ARHGAP44: variants seen among roughly 807,000 people sequenced by gnomAD.
ARHGAP44 encodes rho GTPase-activating protein 44.
A neutral mutation model predicts 106.8 loss-of-function variants in ARHGAP44; 43 were observed. The ratio of observed to expected loss-of-function variants is 0.40; its 90% CI spans 0.32 to 0.52. The LOEUF (loss-of-function observed/expected upper bound fraction) is 0.52, where lower values mean the gene tolerates loss of function less well. Among genes scored for constraint, ARHGAP44 ranks in the 20% least tolerant of loss-of-function variants. The probability of loss-of-function intolerance (pLI) is 0.48; values close to 1 mark genes in which losing one functional copy is unlikely to be tolerated. For missense variants in ARHGAP44, 866 were observed against 1,050.5 expected, an observed-to-expected ratio of 0.82 and a Z score of 2.43; for synonymous variants, 439 against 410.3, an observed-to-expected ratio of 1.07 and a Z score of -0.85.
Position 12,943,478 on chromosome 17 carries a change from A to G in ARHGAP44, c.652-110A>G, listed in dbSNP as rs2038759172. 4.4e-6 allele frequency: 4 copies of G among 901,742 alleles called. No individual in the cohort carries two copies. In the Admixed American group the frequency reaches 7.4e-5, roughly 17 times the overall value. 55.9% of individuals were successfully genotyped at this position (901,742 alleles called of 1,614,324 possible). A position where few individuals can be genotyped will look rare whatever the true frequency, so the allele number is the denominator to read the frequency against. ...GGTAGATTGGAGGAGGGAATGGGTG[A>G]CTACCTCCTTCCGCATGTGGAAGCA... On this transcript the variant is annotated intron_variant, in intron 8 of 20. Transcript: ENST00000379672.
intron 1 of ARHGAP44, among the ~76,000 whole-genome samples, chr17:12,864,147 G>A (rs1330305188): frequency 1.3e-5 from 2 of 152,136 alleles, no homozygotes; most frequent in African/African-American, 2.4e-5. Flanking sequence ...TTCACCTCTC[G>A]GTGGAGTGGT....
intron 6 of ARHGAP44, among the ~76,000 whole-genome samples, chr17:12,927,745 C>T (rs747777986): frequency 6.6e-5 from 10 of 152,136 alleles, no homozygotes; most frequent in African/African-American, 1.4e-4. Flanking sequence ...ACCAAGTTCC[C>T]AGCTCCCCCT....
intron 1 of ARHGAP44, among the ~76,000 whole-genome samples, chr17:12,857,468 A>G (rs2035944607): frequency 6.6e-6 from 1 of 152,178 alleles, no homozygotes; most frequent in Non-Finnish European, 1.5e-5. Context: ...ACTCTTCCTC[A>G]TCTTATAAAG....
intron 1 of ARHGAP44, among the ~76,000 whole-genome samples, chr17:12,800,989 C>G (rs964834735): frequency 6.6e-6 from 1 of 152,194 alleles, no homozygotes; most frequent in Non-Finnish European, 1.5e-5. Context: ...TGTATGTACC[C>G]TTAACCACAA....
At chr17:12,790,059 T>G in intron 1 of ARHGAP44, 168 bp downstream of exon 1, 9 of 559,506 alleles carry the variant, frequency 1.6e-5, no homozygotes, top group Non-Finnish European at 2.1e-5. Context: ...CCTCCCTAAC[T>G]TCCCAGACCC....
At chr17:12,855,733 G>T (rs2035888537) in intron 1 of ARHGAP44, among the ~76,000 whole-genome samples, 1 of 152,138 alleles carries the variant, frequency 6.6e-6, no homozygotes, top group African/African-American at 2.4e-5. Context: ...GTCTACAGAA[G>T]TCCAATTAAG....
intron 6 of ARHGAP44, among the ~76,000 whole-genome samples, chr17:12,925,417 TGG>T (rs1567690378): frequency 2.2e-4 from 34 of 152,292 alleles, no homozygotes; most frequent in African/African-American, 8.2e-4. Context: ...GGGATGCCCA[TGG>T]CAGAGGAAGG....
intron 20 of ARHGAP44, chr17:12,987,236 C>A: frequency 7.9e-7 from 1 of 1,264,100 alleles, no homozygotes; most frequent in Non-Finnish European, 1.1e-6. Flanking sequence ...CTCGTCTCTG[C>A]ATGTGGCTCA....
chr17:12,860,442 C>T (rs935678989), intron 1 of ARHGAP44, among the ~76,000 whole-genome samples: 5 of 152,128 alleles, frequency 3.3e-5, no homozygotes, highest in African/African-American at 1.2e-4. Flanking sequence ...TTTCCTCTTT[C>T]TTCAAAAGCT....
At chr17:12,808,763 T>C (rs1020089348) in intron 1 of ARHGAP44, among the ~76,000 whole-genome samples, 15 of 152,318 alleles carry the variant, frequency 9.8e-5, no homozygotes, top group African/African-American at 3.6e-4. Flanking sequence ...AAGATTTGGC[T>C]CCTCGTTACT....
At chr17:12,844,145 G>A (rs905432234) in intron 1 of ARHGAP44, among the ~76,000 whole-genome samples, 3 of 149,270 alleles carry the variant, frequency 2.0e-5, no homozygotes, top group Admixed American at 6.7e-5. Flanking sequence ...ATTGGGGGCC[G>A]CTATGCCGTA....
chr17:12,827,854 C>T (rs1429645945), intron 1 of ARHGAP44, among the ~76,000 whole-genome samples: 2 of 151,896 alleles, frequency 1.3e-5, no homozygotes, highest in African/African-American at 4.8e-5. Context: ...GCCTGGCCAA[C>T]ATGGTGAAAC....
At chr17:12,829,076 A>G (rs764307169) in intron 1 of ARHGAP44, among the ~76,000 whole-genome samples, 6 of 152,090 alleles carry the variant, frequency 3.9e-5, no homozygotes, top group Non-Finnish European at 7.4e-5. Flanking sequence ...CGCAACTTTC[A>G]TTTCTATCTT....
chr17:12,987,316 T>A (rs1036752166), intron 20 of ARHGAP44: 1 of 597,854 alleles, frequency 1.7e-6, no homozygotes, highest in East Asian at 3.0e-5. Context: ...ATCCATGAGC[T>A]TATTTGGCTT....
intron 1 of ARHGAP44, among the ~76,000 whole-genome samples, chr17:12,859,964 C>G (rs2036020693): frequency 6.6e-6 from 1 of 152,164 alleles, no homozygotes; most frequent in African/African-American, 2.4e-5. Flanking sequence ...ATGAAGCAGG[C>G]TCTGGGCTAT....
chr17:12,931,875 CACACAT>C (rs1259569186), intron 7 of ARHGAP44, among the ~76,000 whole-genome samples: 34 of 137,910 alleles, frequency 2.5e-4, no homozygotes, highest in African/African-American at 8.0e-4. Context: ...CACACACACA[CACACAT>C]ATCATGATTT....
intron 1 of ARHGAP44, among the ~76,000 whole-genome samples, chr17:12,854,880 C>A (rs901482479): frequency 6.6e-6 from 1 of 151,118 alleles, no homozygotes; most frequent in African/African-American, 2.4e-5. Context: ...ATCGCTTGAA[C>A]CCAGGAGGCG....
Position 12,974,169 on chromosome 17 carries a change from C to G in ARHGAP44, c.1622C>G (p.Pro541Arg). The change falls in exon 18 of 21, where the codon CCC becomes CGC. Residue 541 changes from proline to arginine, a missense_variant. Physicochemically the swap from Pro to Arg is moderately radical, Grantham distance 103 (BLOSUM62 -2). Transcript: ENST00000379672. Reference protein sequence around the residue: ...SAGRKVSCAPPSMQPPAPPAE... With the variant: ...SAGRKVSCAPRSMQPPAPPAE... Reference sequence around the variant, plus strand: ...GGTCGGAAAGTGTCCTGCGCCCCGCCCTCCATGCAGCCTCCCGCCCCGCCC... The same window carrying G: ...GGTCGGAAAGTGTCCTGCGCCCCGCGCTCCATGCAGCCTCCCGCCCCGCCC... 1 of 1,552,722 alleles carries G rather than the reference C, an allele frequency of 6.4e-7. No individual in the cohort carries two copies. Among genetic ancestry groups the G allele is most frequent in the Non-Finnish European group, 8.7e-7 (1 of 1,148,670 alleles).
intron 1 of ARHGAP44, among the ~76,000 whole-genome samples, chr17:12,825,713 A>T (rs2034899764): frequency 6.6e-6 from 1 of 152,194 alleles, no homozygotes; most frequent in South Asian, 2.1e-4. Flanking sequence ...CTAAAAAATA[A>T]TTCACAGTGA....
Sources: allele counts gnomAD v4.1 joint callset (sites outside exome capture counted in the v4.1 genomes callset), GRCh38; gene constraint gnomAD v4.1.1; transcripts MANE v1.5; gene names NCBI Gene and HGNC (gene_info 2026-07-23, HGNC 2026-07-21).